Variants in FGFR2 observed in about 807,000 individuals in gnomAD.
FGFR2 encodes the protein fibroblast growth factor receptor 2.
In FGFR2, 19 loss-of-function variants were observed where a neutral mutation model predicts 95.9. The ratio of observed to expected loss-of-function variants is 0.20; its 90% CI spans 0.14 to 0.29. The LOEUF (loss-of-function observed/expected upper bound fraction) is 0.29, where lower values mean the gene tolerates loss of function less well. Ranked by LOEUF, FGFR2 falls within the 10% of genes least tolerant of loss-of-function variation. The pLI, the probability that FGFR2 is intolerant of heterozygous loss-of-function variation, is 1.00. For missense variants in FGFR2, 707 were observed against 1,056.9 expected (o/e 0.67, Z 4.59); for synonymous variants, 392 against 393.3 (o/e 1.00, Z 0.04).
At chr10:121,566,821 C>T (rs1378867151) in intron 2 of FGFR2, among the ~76,000 whole-genome samples, 8 of 152,100 alleles carry the variant, frequency 5.3e-5, no homozygotes, top group Non-Finnish European at 1.0e-4. Flanking sequence ...GCTTGGCAGA[C>T]ACATGGCCAT....
chr10:121,506,795 A>G (rs1319930964), intron 9 of FGFR2, among the ~76,000 whole-genome samples: 1 of 152,212 alleles, frequency 6.6e-6, no homozygotes, highest in Admixed American at 6.5e-5. Context: ...GAGTTGAGAG[A>G]GGGGGTAGAA....
intron 6 of FGFR2, chr10:121,526,647 C>T: frequency 2.5e-6 from 1 of 398,568 alleles, no homozygotes; most frequent in East Asian, 3.6e-5. Flanking sequence ...TCAGAAAGAG[C>T]CCAGGTGCCC....
intron 17 of FGFR2, chr10:121,482,056 C>G: frequency 1.2e-6 from 1 of 827,328 alleles, no homozygotes; most frequent in Non-Finnish European, 2.0e-6. Flanking sequence ...CCAGGCTGGT[C>G]TGGAACTCCT....
rs750312209 is a variant in FGFR2, at chr10:121,551,362, G to A, written c.552C>T (p.Asn184=). 2 of 1,614,178 alleles carry A rather than the reference G, an allele frequency of 1.2e-6. No individual in the cohort carries two copies. The highest frequency in any genetic ancestry group is 1.7e-6 in the Non-Finnish European group (2 of 1,180,046). Residue 184 remains asparagine, a synonymous_variant, in exon 5 of 18, where the codon AAC becomes AAT. Coordinates refer to ENST00000358487, the MANE Select transcript of FGFR2 (RefSeq NM_000141.5). The part of the protein sequence containing the change: ...TVKFRCPAGG[N]PMPTMRWLKN... ...TCAGCCACCGCATGGTTGGCATTGG[G>A]TTCCCCCCGGCTGGGCAGCGAAACT...
chr10:121,579,825 T>C (rs1302565300), intron 2 of FGFR2, among the ~76,000 whole-genome samples: 1 of 152,120 alleles, frequency 6.6e-6, no homozygotes, highest in Non-Finnish European at 1.5e-5. Flanking sequence ...GGGCCTGCGT[T>C]ACTGCGAGTT....
At chr10:121,548,556 A>AT (rs1344015825) in intron 5 of FGFR2, among the ~76,000 whole-genome samples, 1 of 152,046 alleles carries the variant, frequency 6.6e-6, no homozygotes, top group Non-Finnish European at 1.5e-5. Context: ...CTCTTAGCAT[A>AT]TTTGTAATCA....
chr10:121,508,765 A>G (rs1466601471), intron 9 of FGFR2, among the ~76,000 whole-genome samples: 3 of 152,232 alleles, frequency 2.0e-5, no homozygotes, highest in African/African-American at 4.8e-5. Flanking sequence ...GAAACGGGGG[A>G]AAAGGGTAAG....
intron 4 of FGFR2, among the ~76,000 whole-genome samples, chr10:121,563,830 C>T (rs1020993465): frequency 6.6e-6 from 1 of 152,228 alleles, no homozygotes; most frequent in Admixed American, 6.5e-5. Context: ...CATGTTAGCG[C>T]TCAGTGTTCA....
intron 9 of FGFR2, among the ~76,000 whole-genome samples, chr10:121,507,444 C>T (rs903527888): frequency 2.8e-4 from 42 of 152,182 alleles, no homozygotes; most frequent in African/African-American, 8.4e-4. Flanking sequence ...AAAAGTTAGC[C>T]GGGCATGGTG....
At chr10:121,520,454 G>T (rs1194506332) in intron 6 of FGFR2, among the ~76,000 whole-genome samples, 1 of 152,192 alleles carries the variant, frequency 6.6e-6, no homozygotes, top group Non-Finnish European at 1.5e-5. Context: ...ATGAATACGG[G>T]AAGAAATTCT....
chr10:121,499,152 G>A (rs1308237908), intron 11 of FGFR2, among the ~76,000 whole-genome samples: 1 of 152,152 alleles, frequency 6.6e-6, no homozygotes, highest in Non-Finnish European at 1.5e-5. Flanking sequence ...TGGCTTCTCA[G>A]AGGGCACTGC....
chr10:121,565,789 G>T, intron 2 of FGFR2, 85 bp from the exon 3 acceptor site: 1 of 1,522,812 alleles, frequency 6.6e-7, no homozygotes, highest in Non-Finnish European at 9.1e-7. Flanking sequence ...GTGGAGGCCT[G>T]CTTATTCCCA....
rs142024201 is a variant in FGFR2 at position 121,529,585 on chromosome 10, G to T, written c.748+9007C>A. The stretch of plus-strand genomic sequence containing the variant: ...AGACCACAATCTCCCTGATCCAGTG[G>T]GGAATATGTCTGGGGCACCATTTGA... On this transcript the variant is annotated intron_variant, in intron 6 of 17. Coordinates refer to ENST00000358487, the MANE Select transcript of FGFR2 (RefSeq NM_000141.5). Among the ~76,000 whole-genome samples the T allele has an allele frequency of 3.9e-5, 6 of 152,298 alleles. No homozygotes were observed. The East Asian group carries it at 1.2e-3, about 29-fold the overall frequency.
In FGFR2 at chr10:121,483,818, T is replaced by C; in HGVS notation, c.2196-15A>G. On this transcript the variant is annotated splice_polypyrimidine_tract_variant and intron_variant, in intron 16 of 17. Transcript: ENST00000358487. Reference sequence around the variant, plus strand: ...TCATCATGTACCTGGGAAAAATGGATTTCCTTGAATTAATTTCATATGCAC... The same window carrying C: ...TCATCATGTACCTGGGAAAAATGGACTTCCTTGAATTAATTTCATATGCAC... 6.3e-7 allele frequency: 1 copy of C among 1,591,044 alleles called. No homozygotes were observed. The highest frequency in any genetic ancestry group is 8.6e-7 in the Non-Finnish European group (1 of 1,160,746).
Position 121,479,605 on chromosome 10 carries a change from C to T in FGFR2, c.*252G>A, listed in dbSNP as rs1228393878. The T allele has an allele frequency of 9.0e-6, 14 of 1,551,654 alleles. No homozygotes were observed. The highest frequency in any genetic ancestry group is 1.7e-4 in the Middle Eastern group (1 of 5,992). ...CCTACTGGTCCACAGCCAGTACGCACGGCAGGTGAGAGGGGTTACATGGTG... is the reference window on the plus strand; with the variant it reads ...CCTACTGGTCCACAGCCAGTACGCATGGCAGGTGAGAGGGGTTACATGGTG... On this transcript the variant is annotated 3_prime_UTR_variant, in exon 18 of 18. Coordinates refer to ENST00000358487, the MANE Select transcript of FGFR2 (RefSeq NM_000141.5).
intron 11 of FGFR2, among the ~76,000 whole-genome samples, chr10:121,498,866 C>T (rs1847224650): frequency 6.6e-6 from 1 of 152,150 alleles, no homozygotes; most frequent in Non-Finnish European, 1.5e-5. Context: ...GACACTAATG[C>T]CAATTCTTTC....
chr10:121,552,135 C>T (rs568344528), intron 4 of FGFR2, among the ~76,000 whole-genome samples: 2 of 152,134 alleles, frequency 1.3e-5, no homozygotes, highest in East Asian at 3.9e-4. Context: ...CTAATGATAA[C>T]TTAAGAGGAG....
intron 4 of FGFR2, among the ~76,000 whole-genome samples, chr10:121,556,398 T>TCA: frequency 3.4e-5 from 1 of 29,340 alleles, no homozygotes; most frequent in African/African-American, 5.3e-5. Flanking sequence ...TATAATCTAC[T>TCA]CTCTCTCTCT....
intron 9 of FGFR2, among the ~76,000 whole-genome samples, chr10:121,511,075 G>C (rs541553666): frequency 1.3e-5 from 2 of 151,826 alleles, no homozygotes; most frequent in Non-Finnish European, 2.9e-5. Flanking sequence ...AAAGTGCTGG[G>C]ATTACAGGCA....
Sources: allele counts gnomAD v4.1 joint callset (sites outside exome capture counted in the v4.1 genomes callset), GRCh38; gene constraint gnomAD v4.1.1; transcripts MANE v1.5; gene names NCBI Gene and HGNC (gene_info 2026-07-23, HGNC 2026-07-21).